Variants in ARHGEF3 observed in about 807,000 individuals in gnomAD.
ARHGEF3 encodes the protein Rho guanine nucleotide exchange factor 3.
ARHGEF3 carries 28 observed loss-of-function variants against 63.2 expected under a neutral mutation model. The observed-to-expected ratio is 0.44, with a 90% CI of 0.33 to 0.61. The LOEUF is 0.61. ARHGEF3 is among the 20% of genes least tolerant of loss of function. The probability of loss-of-function intolerance (pLI) is 0.03; values close to 1 mark genes in which losing one functional copy is unlikely to be tolerated. For synonymous variants in ARHGEF3, 266 were observed against 254.2 expected, an observed-to-expected ratio of 1.05 and a Z score of -0.44; for missense variants, 533 against 659.3, an observed-to-expected ratio of 0.81 and a Z score of 2.10.
chr3:56,799,703 A>G (rs1007446620), intron 1 of ARHGEF3, among the ~76,000 whole-genome samples: 3 of 152,212 alleles, frequency 2.0e-5, no homozygotes, highest in Non-Finnish European at 2.9e-5. Flanking sequence ...TTTTGCGCTG[A>G]TAAGGAAACC....
chr3:56,833,935 C>A (rs1578633804), intron 4 of ARHGEF3, among the ~76,000 whole-genome samples: 2 of 142,520 alleles, frequency 1.4e-5, no homozygotes, highest in East Asian at 4.4e-4. Context: ...CCAATTTTTA[C>A]TCTTGTCACC....
intron 2 of ARHGEF3, among the ~76,000 whole-genome samples, chr3:57,013,484 T>G (rs989960983): frequency 1.3e-5 from 2 of 152,232 alleles, no homozygotes; most frequent in East Asian, 1.9e-4. Context: ...CTTTTATGTC[T>G]AGCTAGAGGA....
intron 2 of ARHGEF3, among the ~76,000 whole-genome samples, chr3:56,982,877 G>A (rs1358658196): frequency 1.3e-5 from 2 of 151,850 alleles, no homozygotes; most frequent in South Asian, 2.1e-4. Flanking sequence ...AGCCAGCCCC[G>A]CAGTCCAGGC....
chr3:57,076,572 G>A (rs1306952908), intron 1 of ARHGEF3, among the ~76,000 whole-genome samples: 5 of 152,194 alleles, frequency 3.3e-5, no homozygotes. Context: ...TGCAGGAGAT[G>A]ACAAGTTCCC....
At chr3:56,795,653 C>CTTTTTTTTTTT (rs1324495358) in intron 1 of ARHGEF3, among the ~76,000 whole-genome samples, 2 of 69,272 alleles carry the variant, frequency 2.9e-5, no homozygotes, top group African/African-American at 1.7e-4. Flanking sequence ...CAGTCTCTCT[C>CTTTTTTTTTTT]TCTTTTTTTT....
chr3:56,791,866 T>TA (rs5849169), intron 1 of ARHGEF3, among the ~76,000 whole-genome samples: 19 of 147,844 alleles, frequency 1.3e-4, no homozygotes, highest in Admixed American at 4.0e-4. Context: ...ATAGCAAAAT[T>TA]AAAAAAAAAA....
Position 56,751,211 on chromosome 3 carries a change from C to CATTG in ARHGEF3, c.536-83_536-80dup, listed in dbSNP as rs2034721514. 1.5e-5 allele frequency: 23 copies of CATTG among 1,543,772 alleles called. No individual in the cohort carries two copies. The East Asian group carries it at 5.2e-4, about 35-fold the overall frequency. On this transcript the variant is annotated intron_variant, in intron 5 of 9. Coordinates refer to ENST00000296315, the MANE Select transcript of ARHGEF3 (RefSeq NM_019555.3). The stretch of plus-strand genomic sequence containing the variant: ...CTGGAAGTAGGTTCTGGGTTATTCA[C>CATTG]ATTGCAGGCAATTAATAATCACTCA...
intron 6 of ARHGEF3, 21 bp from the exon 7 acceptor site, chr3:56,745,483 G>T (rs1265376052): frequency 6.2e-7 from 1 of 1,609,870 alleles, no homozygotes; most frequent in East Asian, 2.2e-5. Context: ...AACAGAAAGA[G>T]AAGGTTGGAA....
chr3:56,905,823 T>C (rs909840667), intron 3 of ARHGEF3, among the ~76,000 whole-genome samples: 2 of 152,212 alleles, frequency 1.3e-5, no homozygotes, highest in Admixed American at 1.3e-4. Context: ...TCTAGAGTTG[T>C]GCTGTCCAAT....
At chr3:57,072,669 G>C (rs111418142) in intron 1 of ARHGEF3, among the ~76,000 whole-genome samples, 1,516 of 151,128 alleles carry the variant, frequency 0.01, 11 homozygotes, top group Non-Finnish European at 0.018. Flanking sequence ...GTGAACCCGG[G>C]GGGCAGAGGT....
chr3:56,887,553 G>T lies in ARHGEF3; in HGVS notation c.130-5199C>A, dbSNP rs555628948. ...AGCTCCTGTTATGAATTGCCCACAGGAAGTAAAAAATGCCATTTTACTTCC... is the reference window on the plus strand; with the variant it reads ...AGCTCCTGTTATGAATTGCCCACAGTAAGTAAAAAATGCCATTTTACTTCC... On this transcript the variant is annotated intron_variant, in intron 3 of 12. Transcript: ENST00000338458. 5.3e-5 allele frequency among the ~76,000 whole-genome samples: 8 copies of T among 152,132 alleles called. No individual in the cohort carries two copies. In the South Asian group the frequency reaches 1.2e-3, roughly 24 times the overall value.
chr3:57,041,298 A>G (rs1410352972), intron 1 of ARHGEF3, among the ~76,000 whole-genome samples: 1 of 152,192 alleles, frequency 6.6e-6, no homozygotes, highest in Non-Finnish European at 1.5e-5. Context: ...CTCCCACCCT[A>G]TGAAGCGGGC....
At chr3:56,907,638 C>T (rs554080076) in intron 3 of ARHGEF3, among the ~76,000 whole-genome samples, 2 of 152,198 alleles carry the variant, frequency 1.3e-5, no homozygotes, top group South Asian at 4.2e-4. Flanking sequence ...CAACGGTAGA[C>T]TAAATAAAGA....
At position 57,034,999 on chromosome 3, in the gene ARHGEF3, A is replaced by G. The variant is rs559372299; in HGVS notation, c.62+89T>C. ...CTTGATGGCCTCTACTGACTTATGTAGGCTTAAAGGAAGCCCTCCATTTCA... is the reference window on the plus strand; with the variant it reads ...CTTGATGGCCTCTACTGACTTATGTGGGCTTAAAGGAAGCCCTCCATTTCA... On this transcript the variant is annotated intron_variant, in intron 2 of 12. Coordinates refer to the ARHGEF3 transcript ENST00000338458. The G allele has an allele frequency of 1.5e-5, 17 of 1,111,580 alleles. No homozygotes were observed. The African/African-American group carries it at 2.4e-4, about 15-fold the overall frequency. 68.9% of individuals were successfully genotyped at this position (1,111,580 alleles called of 1,614,324 possible).
intron 2 of ARHGEF3, among the ~76,000 whole-genome samples, chr3:56,964,120 G>C (rs553528589): frequency 6.6e-6 from 1 of 152,262 alleles, no homozygotes; most frequent in Non-Finnish European, 1.5e-5. Context: ...GGGAGGCCGA[G>C]GCAGGCAGAT....
chr3:56,850,006 T>C (rs992581508), intron 4 of ARHGEF3, among the ~76,000 whole-genome samples: 2 of 152,134 alleles, frequency 1.3e-5, no homozygotes, highest in Non-Finnish European at 2.9e-5. Context: ...TTTTATGCAT[T>C]TTCTGGGTTT....
chr3:56,768,676 AAAAAAAAG>A (rs1013247514), intron 2 of ARHGEF3, among the ~76,000 whole-genome samples: 8 of 149,762 alleles, frequency 5.3e-5, no homozygotes, highest in African/African-American at 1.8e-4. Context: ...GCAAAAAAAA[AAAAAAAAG>A]AAGAAGATGA....
chr3:56,921,054 C>CAAAAAAAA, intron 3 of ARHGEF3, among the ~76,000 whole-genome samples: 1 of 60,678 alleles, frequency 1.6e-5, no homozygotes, highest in Non-Finnish European at 3.1e-5. Context: ...GACTCCATCT[C>CAAAAAAAA]AAAAAAAAAA....
intron 3 of ARHGEF3, among the ~76,000 whole-genome samples, chr3:56,914,979 A>C (rs2041947159): frequency 6.6e-6 from 1 of 152,194 alleles, no homozygotes; most frequent in Non-Finnish European, 1.5e-5. Flanking sequence ...ATATACTTAA[A>C]ATAGTCAAGA....
Sources: gnomAD v4.1 joint callset for allele counts (sites outside exome capture counted in the v4.1 genomes callset) on GRCh38, gnomAD v4.1.1 for gene constraint, MANE v1.5 for transcripts, NCBI Gene and HGNC (gene_info 2026-07-23, HGNC 2026-07-21) for gene names.